Variants in DOCK10 observed in about 807,000 individuals in gnomAD.
DOCK10 encodes the protein dedicator of cytokinesis protein 10.
Under a neutral mutation model 280.1 loss-of-function variants are expected in DOCK10, and 145 were observed. The observed-to-expected ratio is 0.52, with a 90% CI of 0.45 to 0.59. The LOEUF (loss-of-function observed/expected upper bound fraction) is 0.59, where lower values mean the gene tolerates loss of function less well. Ranked by LOEUF, DOCK10 falls within the 20% of genes least tolerant of loss-of-function variation. The pLI, the probability that DOCK10 is intolerant of heterozygous loss-of-function variation, is 0.00. For missense variants in DOCK10, 2,368 were observed against 2,651.7 expected, an observed-to-expected ratio of 0.89 and a Z score of 2.35; for synonymous variants, 915 against 942.2, an observed-to-expected ratio of 0.97 and a Z score of 0.53.
intron 52 of DOCK10, among the ~76,000 whole-genome samples, chr2:224,774,286 A>G (rs779457055): frequency 1.3e-5 from 2 of 152,154 alleles, no homozygotes; most frequent in Non-Finnish European, 2.9e-5. Context: ...TGCTCCGCTC[A>G]TCTGAAATTC....
At chr2:224,982,309 G>A in intron 1 of DOCK10, 1 of 1,232,054 alleles carries the variant, frequency 8.1e-7, no homozygotes, top group Non-Finnish European at 1.0e-6. Context: ...TGTGTGGACA[G>A]CTCCTCTGGA....
intron 1 of DOCK10, among the ~76,000 whole-genome samples, chr2:224,950,460 C>A (rs4673127): frequency 0.56 from 84,680 of 152,022 alleles, 24,632 homozygotes; most frequent in Non-Finnish European, 0.64. Context: ...AAGCAATTGG[C>A]CCAAAGTCAG....
chr2:224,900,201 G>A (rs556722660), intron 3 of DOCK10, among the ~76,000 whole-genome samples: 17 of 151,986 alleles, frequency 1.1e-4, no homozygotes, highest in African/African-American at 3.6e-4. Flanking sequence ...AGGTGTAGCC[G>A]AATCTAAGAT....
intron 1 of DOCK10, among the ~76,000 whole-genome samples, chr2:225,023,988 A>G (rs983477749): frequency 2.2e-4 from 33 of 152,186 alleles, no homozygotes; most frequent in Non-Finnish European, 4.7e-4. Context: ...ACAAACTGAC[A>G]TGTCCCTCCT....
At chr2:224,922,866 A>G (rs959158776) in intron 2 of DOCK10, among the ~76,000 whole-genome samples, 2 of 152,222 alleles carry the variant, frequency 1.3e-5, no homozygotes, top group African/African-American at 2.4e-5. Flanking sequence ...AAAGTAATCA[A>G]TCAGTCTAAG....
intron 18 of DOCK10, 47 bp downstream of exon 18, chr2:224,852,330 A>C (rs1696799920): frequency 1.4e-6 from 2 of 1,443,828 alleles, no homozygotes; most frequent in East Asian, 4.9e-5. Context: ...GAATCCCTGC[A>C]CCTGCCTTCC....
At chr2:224,959,606 T>C (rs1187875793) in intron 1 of DOCK10, among the ~76,000 whole-genome samples, 1 of 152,206 alleles carries the variant, frequency 6.6e-6, no homozygotes, top group East Asian at 1.9e-4. Context: ...CAGCTGTGCC[T>C]TCTCACTAGA....
chr2:224,977,252 A>T (rs1705495171), intron 1 of DOCK10, among the ~76,000 whole-genome samples: 1 of 152,178 alleles, frequency 6.6e-6, no homozygotes, highest in South Asian at 2.1e-4. Flanking sequence ...ATGTTCATGG[A>T]TTTTAAAGTT....
intron 16 of DOCK10, among the ~76,000 whole-genome samples, chr2:224,854,685 T>C (rs1284565796): frequency 1.3e-5 from 2 of 152,192 alleles, no homozygotes; most frequent in Non-Finnish European, 2.9e-5. Context: ...GCATGGTGCA[T>C]ACCAGGTAAG....
chr2:224,805,591 G>T lies in DOCK10; in HGVS notation c.3815-62C>A. On this transcript the variant is annotated intron_variant, in intron 34 of 55. Coordinates refer to ENST00000258390, the MANE Select transcript of DOCK10 (RefSeq NM_014689.3). This position sits in a 1 kb window ranked among gnomAD's most constrained non-coding sequence, Gnocchi z 4.3. Reference sequence around the variant, plus strand: ...GATGTATGGGCACACACACACAAAAGGTTCACATGATGAACCAAAAAGATG... The same window carrying T: ...GATGTATGGGCACACACACACAAAATGTTCACATGATGAACCAAAAAGATG... 2 of 1,598,402 alleles carry T rather than the reference G, an allele frequency of 1.3e-6. No homozygotes were observed. Among genetic ancestry groups the T allele is most frequent in the South Asian group, 1.1e-5 (1 of 89,278 alleles).
At chr2:225,035,602 G>C (rs1690237030) in intron 1 of DOCK10, among the ~76,000 whole-genome samples, 1 of 98,608 alleles carries the variant, frequency 1.0e-5, no homozygotes, top group Non-Finnish European at 2.2e-5. Context: ...CTGAATCAGT[G>C]TTAATTGTGT....
intron 2 of DOCK10, among the ~76,000 whole-genome samples, chr2:224,923,639 G>T (rs920786171): frequency 2.0e-5 from 3 of 152,194 alleles, no homozygotes; most frequent in African/African-American, 7.2e-5. Flanking sequence ...GCCCAGCACT[G>T]CCAGCTCTCA....
chr2:224,805,601 A>G lies in DOCK10; in HGVS notation c.3815-72T>C. 1 of 1,583,392 alleles carries G rather than the reference A, an allele frequency of 6.3e-7. No homozygotes were observed. Among genetic ancestry groups the G allele is most frequent in the Non-Finnish European group, 8.6e-7 (1 of 1,161,796 alleles). Reference sequence around the variant, plus strand: ...CACACACACACAAAAGGTTCACATGATGAACCAAAAAGATGTTGATACTGA... The same window carrying G: ...CACACACACACAAAAGGTTCACATGGTGAACCAAAAAGATGTTGATACTGA... On this transcript the variant is annotated intron_variant, in intron 34 of 55. Transcript: ENST00000258390. This position sits in a 1 kb window ranked among gnomAD's most constrained non-coding sequence, Gnocchi z 4.3.
chr2:224,874,721 C>T lies in DOCK10; in HGVS notation c.962G>A (p.Cys321Tyr). 1 of 1,613,910 alleles carries T rather than the reference C, an allele frequency of 6.2e-7. No homozygotes were observed. The highest frequency in any genetic ancestry group is 1.3e-5 in the African/African-American group (1 of 75,044). Residue 321 changes from cysteine to tyrosine, a missense_variant, in exon 9 of 56, where the codon TGC (cysteine) becomes TAC (tyrosine). Transcript: ENST00000258390. ...DSLDNSVTCE[C>Y]TPEETDSSEN... is the part of the protein sequence containing the mutation. ...TGAAGAATCTGTTTCCTCTGGCGTG[C>T]ATTCACAAGTTACAGAATTATCCAG...
At chr2:224,829,734 T>G (rs970852766) in intron 27 of DOCK10, among the ~76,000 whole-genome samples, 4 of 152,074 alleles carry the variant, frequency 2.6e-5, no homozygotes, top group Admixed American at 2.0e-4. Context: ...ACCAGGTGAG[T>G]CACCAAGACC....
chr2:224,981,214 T>C (rs940904296), intron 1 of DOCK10, among the ~76,000 whole-genome samples: 8 of 152,156 alleles, frequency 5.3e-5, no homozygotes, highest in African/African-American at 1.7e-4. Flanking sequence ...AGCCCCCTAG[T>C]TCAAGAATAA....
chr2:224,856,107 C>A (rs1011981914), intron 15 of DOCK10, among the ~76,000 whole-genome samples: 1 of 152,146 alleles, frequency 6.6e-6, no homozygotes, highest in Admixed American at 6.5e-5. Flanking sequence ...CAGTAGAAGT[C>A]CGTTGTTTCC....
intron 1 of DOCK10, among the ~76,000 whole-genome samples, chr2:225,035,295 A>G (rs764622955): frequency 4.7e-4 from 72 of 152,014 alleles, no homozygotes; most frequent in Admixed American, 2.4e-3. Context: ...CAAAGAGGTC[A>G]TGAACCACAT....
intron 55 of DOCK10, among the ~76,000 whole-genome samples, chr2:224,769,521 C>A (rs899849851): frequency 6.6e-6 from 1 of 152,132 alleles, no homozygotes; most frequent in Non-Finnish European, 1.5e-5. Context: ...GATGAGATGT[C>A]CAGGTAGAGT....
Sources: allele counts gnomAD v4.1 joint callset (sites outside exome capture counted in the v4.1 genomes callset), GRCh38; gene constraint gnomAD v4.1.1; non-coding constraint Gnocchi (gnomAD v3.1); transcripts MANE v1.5; gene names NCBI Gene and HGNC (gene_info 2026-07-23, HGNC 2026-07-21).